Variants in SLC7A6 observed in about 807,000 individuals in gnomAD.
SLC7A6 encodes Y+L amino acid transporter 2.
Under a neutral mutation model 46.6 loss-of-function variants are expected in SLC7A6, and 29 were observed. The ratio of observed to expected loss-of-function variants is 0.62; its 90% CI spans 0.46 to 0.85. The LOEUF (loss-of-function observed/expected upper bound fraction) is 0.85, where lower values mean the gene tolerates loss of function less well. Among genes scored for constraint, SLC7A6 ranks in the 40% least tolerant of loss-of-function variants. SLC7A6 has a pLI of 0.00. For synonymous variants in SLC7A6, 276 were observed against 257.3 expected, an observed-to-expected ratio of 1.07 and a Z score of -0.70; for missense variants, 527 against 647.6, an observed-to-expected ratio of 0.81 and a Z score of 2.02.
intron 7 of SLC7A6, among the ~76,000 whole-genome samples, chr16:68,293,410 C>T (rs1436644681): frequency 1.3e-5 from 2 of 152,098 alleles, no homozygotes; most frequent in African/African-American, 2.4e-5. Context: ...GGCTACAGAG[C>T]GAGACTCCAT....
chr16:68,275,779 A>AT (rs2151217364), intron 3 of SLC7A6, among the ~76,000 whole-genome samples: 1 of 151,992 alleles, frequency 6.6e-6, no homozygotes, highest in African/African-American at 2.4e-5. Context: ...TTGGTGCCTC[A>AT]TATTCCTCCT....
chr16:68,288,361 G>C (rs1431969131), intron 4 of SLC7A6, among the ~76,000 whole-genome samples: 1 of 152,150 alleles, frequency 6.6e-6, no homozygotes, highest in African/African-American at 2.4e-5. Context: ...CCCCAAGTCA[G>C]CTCTCAGAAA....
intron 2 of SLC7A6, 62 bp downstream of exon 2, chr16:68,266,783 A>G (rs1047558231): frequency 5.9e-5 from 9 of 152,296 alleles, no homozygotes; most frequent in African/African-American, 1.2e-4. Context: ...TTTTACTTGT[A>G]TACAGTGTGA....
chr16:68,287,338 CA>C, intron 3 of SLC7A6: 1 of 1,290,018 alleles, frequency 7.8e-7, no homozygotes, highest in South Asian at 1.2e-5. Context: ...CTGCCATCTG[CA>C]TTCAAATTTA....
Position 68,275,086 on chromosome 16 carries a change from G to A in SLC7A6, c.360G>A (p.Gly120=). 6.2e-7 allele frequency: 1 copy of A among 1,614,092 alleles called. No homozygotes were observed. The highest frequency in any genetic ancestry group is 1.1e-5 in the South Asian group (1 of 91,072). ...ACGCTTATATTCTAGAGGCCTTTGGGGGCTTCATTGCCTTCATCCGCCTGT... is the reference window on the plus strand; with the variant it reads ...ACGCTTATATTCTAGAGGCCTTTGGAGGCTTCATTGCCTTCATCCGCCTGT... The part of the protein sequence containing the change: ...ASYAYILEAF[G]GFIAFIRLWV... Residue 120 remains glycine, a synonymous_variant, in exon 3 of 11, where the codon GGG becomes GGA. Transcript: ENST00000219343.
Position 68,274,838 on chromosome 16 carries a change from A to G in SLC7A6, c.112A>G (p.Thr38Ala), listed in dbSNP as rs1005096303. The change falls in exon 3 of 11, where the codon ACT (threonine) becomes GCT (alanine). Residue 38 changes from threonine to alanine, a missense_variant. Transcript: ENST00000219343. Reference sequence around the variant, plus strand: ...CTCGCCACCTCAAAGGTCCTCCGAAACTATGCAGCTGAAGAAGGAGATCTC... The same window carrying G: ...CTCGCCACCTCAAAGGTCCTCCGAAGCTATGCAGCTGAAGAAGGAGATCTC... ...VSSPPQRSSETMQLKKEISLL... is the reference protein window; with the variant it reads ...VSSPPQRSSEAMQLKKEISLL... 6.2e-7 allele frequency: 1 copy of G among 1,614,190 alleles called. No homozygotes were observed. Among genetic ancestry groups the G allele is most frequent in the South Asian group, 1.1e-5 (1 of 91,090 alleles).
chr16:68,278,148 G>A (rs1414617713), intron 3 of SLC7A6, among the ~76,000 whole-genome samples: 1 of 151,436 alleles, frequency 6.6e-6, no homozygotes, highest in Non-Finnish European at 1.5e-5. Flanking sequence ...GTACAGACGG[G>A]GTTTCACCAT....
chr16:68,298,504 T>C lies in SLC7A6; in HGVS notation c.*1176T>C, dbSNP rs13645. The C allele has an allele frequency of 6.6e-6, 1 of 152,284 alleles. No homozygotes were observed. Among genetic ancestry groups the C allele is most frequent in the African/African-American group, 2.4e-5 (1 of 41,456 alleles). The allele number at this position is 152,284 out of a possible 1,614,324, so 9.4% of individuals were successfully genotyped here. ...CCCTGGCACCAGGCTTTGTTTACAC[T>C]TGGAGCCACCTTGGTGTGGGTCACC... On this transcript the variant is annotated 3_prime_UTR_variant, in exon 11 of 11. Transcript: ENST00000219343.
Position 68,274,757 on chromosome 16 carries a change from C to G in SLC7A6, c.31C>G (p.Pro11Ala), listed in dbSNP as rs1056172637. 1 of 1,614,082 alleles carries G rather than the reference C, an allele frequency of 6.2e-7. No individual in the cohort carries two copies. The highest frequency in any genetic ancestry group is 1.1e-5 in the South Asian group (1 of 91,086). Residue 11 changes from proline (P) to alanine (A), a missense_variant, in exon 3 of 11, where the codon CCC becomes GCC. Pro to Ala is a conservative substitution (Grantham distance 27, BLOSUM62 -1). Transcript: ENST00000219343. The part of the protein sequence containing the change: MEAREPGRPT[P>A]TYHLVPNTSQ... ...AGCCAGGGAGCCTGGGAGGCCCACA[C>G]CCACCTACCATCTTGTCCCTAACAC...
intron 2 of SLC7A6, among the ~76,000 whole-genome samples, chr16:68,271,779 G>A (rs2042627572): frequency 1.3e-5 from 2 of 152,110 alleles, no homozygotes; most frequent in African/African-American, 4.8e-5. Flanking sequence ...GCCAAGGACA[G>A]GCTCTTGATA....
At position 68,274,816 on chromosome 16, in the gene SLC7A6, G is replaced by A. The variant is rs764144417; in HGVS notation, c.90G>A (p.Ser30=). 15 of 1,614,054 alleles carry A rather than the reference G, an allele frequency of 9.3e-6. No individual in the cohort carries two copies. Among genetic ancestry groups the A allele is most frequent in the East Asian group, 6.7e-5 (3 of 44,892 alleles). ...SQSQVEEDVS[S]PPQRSSETMQ... is the part of the protein sequence containing the mutation. ...CCCAGGTGGAAGAAGATGTCAGCTCGCCACCTCAAAGGTCCTCCGAAACTA... is the reference window on the plus strand; with the variant it reads ...CCCAGGTGGAAGAAGATGTCAGCTCACCACCTCAAAGGTCCTCCGAAACTA... The change falls in exon 3 of 11, where the codon TCG becomes TCA. Residue 30 remains serine (S), a synonymous_variant. Coordinates refer to ENST00000219343, the MANE Select transcript of SLC7A6 (RefSeq NM_003983.6).
At chr16:68,272,149 C>T (rs2042633884) in intron 2 of SLC7A6, among the ~76,000 whole-genome samples, 1 of 152,032 alleles carries the variant, frequency 6.6e-6, no homozygotes, top group Non-Finnish European at 1.5e-5. Context: ...CATGGTGGCT[C>T]ACACCTGTAA....
rs1367664918 is a variant in SLC7A6 at position 68,291,325 on chromosome 16, T to TG, written c.913dup (p.Ala305GlyfsTer6). ...TCAGATGTCCTTAGCAGTGATGCTG[T>TG]GGCTGTGGTGAGTCTCTTGGGATCC... On this transcript the variant is annotated frameshift_variant, in exon 6 of 11. Transcript: ENST00000219343. LOFTEE classifies it high-confidence loss of function. 1.9e-6 allele frequency: 3 copies of TG among 1,613,980 alleles called. No individual in the cohort carries two copies. The highest frequency in any genetic ancestry group is 1.7e-5 in the Admixed American group (1 of 60,008).
intron 2 of SLC7A6, among the ~76,000 whole-genome samples, chr16:68,272,692 G>A (rs1486503004): frequency 6.6e-6 from 1 of 152,122 alleles, no homozygotes; most frequent in Non-Finnish European, 1.5e-5. Flanking sequence ...CGACACCAGT[G>A]CCAGGTTTTA....
At chr16:68,284,859 C>CTTTT (rs71384525) in intron 3 of SLC7A6, among the ~76,000 whole-genome samples, 2,905 of 95,358 alleles carry the variant, frequency 0.03, 309 homozygotes, top group African/African-American at 0.12. Context: ...ATTTTCTCGT[C>CTTTT]TTTTTTTTTT....
Position 68,301,132 on chromosome 16 carries a change from G to C in SLC7A6, c.*3804G>C. The stretch of plus-strand genomic sequence containing the variant: ...CTAACATAAGTTTTCACTGTGGTGG[G>C]ATGGTGCCGCCCGATATGCTTGATA... On this transcript the variant is annotated 3_prime_UTR_variant, in exon 11 of 11. Transcript: ENST00000219343. 7.0e-7 allele frequency: 1 copy of C among 1,423,626 alleles called. No individual in the cohort carries two copies. The highest frequency in any genetic ancestry group is 9.2e-7 in the Non-Finnish European group (1 of 1,084,956). The allele number at this position is 1,423,626 out of a possible 1,614,324, so 88.2% of individuals were successfully genotyped here. A position where few individuals can be genotyped will look rare whatever the true frequency, so the allele number is the denominator to read the frequency against.
At chr16:68,281,131 A>G (rs925369674) in intron 3 of SLC7A6, among the ~76,000 whole-genome samples, 1 of 151,966 alleles carries the variant, frequency 6.6e-6, no homozygotes, top group African/African-American at 2.4e-5. Context: ...GCTCACTCAT[A>G]TTACTTTCCT....
chr16:68,299,960 A>G lies in SLC7A6; in HGVS notation c.*2632A>G, dbSNP rs1037628935. On this transcript the variant is annotated 3_prime_UTR_variant, in exon 11 of 11. Coordinates refer to ENST00000219343, the MANE Select transcript of SLC7A6 (RefSeq NM_003983.6). ...AAAATGGACATAAAGTCAAAGAATG[A>G]TGGCAGGTAGGATGAAGGAGAGATA... 1 of 152,210 alleles carries G rather than the reference A, an allele frequency of 6.6e-6. No individual in the cohort carries two copies. Among genetic ancestry groups the G allele is most frequent in the African/African-American group, 2.4e-5 (1 of 41,446 alleles). The allele number at this position is 152,210 out of a possible 1,614,324, so 9.4% of individuals were successfully genotyped here.
At chr16:68,286,192 A>G (rs1380859978) in intron 3 of SLC7A6, among the ~76,000 whole-genome samples, 1 of 152,008 alleles carries the variant, frequency 6.6e-6, no homozygotes, top group African/African-American at 2.4e-5. Context: ...GCATGACCCA[A>G]TCACCTGAGG....
Sources: allele counts gnomAD v4.1 joint callset (sites outside exome capture counted in the v4.1 genomes callset), GRCh38; gene constraint gnomAD v4.1.1; transcripts MANE v1.5; gene names NCBI Gene and HGNC (gene_info 2026-07-23, HGNC 2026-07-21).